The following CRPPA variants were observed in gnomAD, a reference collection of about 807,000 sequenced individuals.
The protein encoded by CRPPA is D-ribitol-5-phosphate cytidylyltransferase.
In CRPPA, 43 loss-of-function variants were observed where a neutral mutation model predicts 52.0. That is an observed-to-expected ratio of 0.83 (90% CI 0.65 to 1.07). The LOEUF (loss-of-function observed/expected upper bound fraction) is 1.07. CRPPA is among the 50% of genes least tolerant of loss of function. The pLI, the probability that CRPPA is intolerant of heterozygous loss-of-function variation, is 0.00. For synonymous variants in CRPPA, 250 were observed against 203.5 expected (o/e 1.23, Z -1.94); for missense variants, 629 against 551.7 (o/e 1.14, Z -1.40).
chr7:16,234,367 T>C (rs1782883999), intron 8 of CRPPA, among the ~76,000 whole-genome samples: 1 of 152,126 alleles, frequency 6.6e-6, no homozygotes, highest in Non-Finnish European at 1.5e-5. Flanking sequence ...ACATAAGCAG[T>C]CATTTATTGA....
intron 9 of CRPPA, among the ~76,000 whole-genome samples, chr7:16,143,268 G>A (rs949406930): frequency 6.6e-6 from 1 of 152,132 alleles, no homozygotes; most frequent in African/African-American, 2.4e-5. Flanking sequence ...TATGTTTCTG[G>A]AGATTTACAA....
chr7:16,167,210 G>C (rs895717363), intron 9 of CRPPA, among the ~76,000 whole-genome samples: 1 of 152,148 alleles, frequency 6.6e-6, no homozygotes, highest in South Asian at 2.1e-4. Flanking sequence ...ACAGGCGTGA[G>C]CCACCGCGCC....
At chr7:16,293,536 T>C (rs1784605283) in intron 5 of CRPPA, among the ~76,000 whole-genome samples, 1 of 151,944 alleles carries the variant, frequency 6.6e-6, no homozygotes, top group Non-Finnish European at 1.5e-5. Context: ...CTGAACACCT[T>C]GCAATAGGAA....
intron 2 of CRPPA, among the ~76,000 whole-genome samples, chr7:16,402,481 T>C (rs1216422483): frequency 1.3e-5 from 2 of 151,982 alleles, no homozygotes; most frequent in African/African-American, 4.8e-5. Context: ...GGAAACAAAT[T>C]ATGAACAAAA....
intron 2 of CRPPA, among the ~76,000 whole-genome samples, chr7:16,387,583 C>G (rs182169194): frequency 6.7e-6 from 1 of 148,536 alleles, no homozygotes; most frequent in Non-Finnish European, 1.5e-5. Flanking sequence ...AAATCTATCA[C>G]ATGCTGTCTA....
intron 6 of CRPPA, among the ~76,000 whole-genome samples, chr7:16,272,843 C>T (rs1784119085): frequency 6.6e-6 from 1 of 152,054 alleles, no homozygotes; most frequent in Non-Finnish European, 1.5e-5. Context: ...TCAGGCAAAT[C>T]AAACTGCAAG....
intron 6 of CRPPA, among the ~76,000 whole-genome samples, chr7:16,260,590 G>A (rs771098295): frequency 6.6e-6 from 1 of 151,960 alleles, no homozygotes; most frequent in Non-Finnish European, 1.5e-5. Context: ...TACTGTGTCA[G>A]GCTGACTTAT....
At chr7:16,139,194 A>G (rs752493091) in intron 9 of CRPPA, among the ~76,000 whole-genome samples, 12 of 152,332 alleles carry the variant, frequency 7.9e-5, no homozygotes, top group African/African-American at 2.6e-4. Flanking sequence ...GAGGAATCCA[A>G]CGAGGTGGAA....
At chr7:16,099,896 G>A (rs1024166474) in intron 9 of CRPPA, among the ~76,000 whole-genome samples, 1 of 152,116 alleles carries the variant, frequency 6.6e-6, no homozygotes. Context: ...ACCAACACCT[G>A]CTAGTTTTCT....
chr7:16,295,197 T>C (rs1388013986), intron 5 of CRPPA, among the ~76,000 whole-genome samples: 1 of 152,142 alleles, frequency 6.6e-6, no homozygotes, highest in African/African-American at 2.4e-5. Flanking sequence ...GGCATGAGGA[T>C]AACTTGACAG....
At chr7:16,367,446 C>T (rs1343784051) in intron 3 of CRPPA, among the ~76,000 whole-genome samples, 1 of 152,142 alleles carries the variant, frequency 6.6e-6, no homozygotes, top group African/African-American at 2.4e-5. Flanking sequence ...AAAGACACTT[C>T]ATAAAATTTC....
chr7:16,361,457 C>G (rs1438950580), intron 3 of CRPPA, among the ~76,000 whole-genome samples: 2 of 152,118 alleles, frequency 1.3e-5, no homozygotes, highest in South Asian at 2.1e-4. Context: ...TAGAAGTAAC[C>G]CAAGTGTGTC....
chr7:16,234,345 A>G (rs1782883192), intron 8 of CRPPA, among the ~76,000 whole-genome samples: 2 of 152,142 alleles, frequency 1.3e-5, no homozygotes, highest in South Asian at 4.1e-4. Flanking sequence ...ACAGAAAACA[A>G]TTTAAAATAA....
At chr7:16,394,670 A>G (rs1287954590) in intron 2 of CRPPA, among the ~76,000 whole-genome samples, 1 of 152,192 alleles carries the variant, frequency 6.6e-6, no homozygotes, top group African/African-American at 2.4e-5. Flanking sequence ...GAAACCATCC[A>G]TATTTCAGAT....
intron 9 of CRPPA, among the ~76,000 whole-genome samples, chr7:16,172,675 T>C (rs763907038): frequency 1.3e-5 from 2 of 152,214 alleles, no homozygotes; most frequent in Non-Finnish European, 2.9e-5. Context: ...CTCTCTCCTA[T>C]GTGATCCTTA....
intron 2 of CRPPA, among the ~76,000 whole-genome samples, chr7:16,404,821 G>A (rs1488584347): frequency 6.6e-6 from 1 of 152,158 alleles, no homozygotes; most frequent in Non-Finnish European, 1.5e-5. Context: ...CTGGAGAAGA[G>A]GAAGGAGTCA....
chr7:16,150,819 G>T (rs1445507717), intron 9 of CRPPA, among the ~76,000 whole-genome samples: 1 of 152,190 alleles, frequency 6.6e-6, no homozygotes, highest in Non-Finnish European at 1.5e-5. Flanking sequence ...TCTTTTTGCT[G>T]TGTCATCCTA....
intron 9 of CRPPA, among the ~76,000 whole-genome samples, chr7:16,096,598 AAC>A (rs1781939262): frequency 6.6e-6 from 1 of 152,130 alleles, no homozygotes; most frequent in South Asian, 2.1e-4. Flanking sequence ...TTCACTTCAT[AAC>A]AGTGTCAATT....
intron 3 of CRPPA, among the ~76,000 whole-genome samples, chr7:16,313,301 G>A (rs892233353): frequency 5.9e-5 from 9 of 151,850 alleles, no homozygotes; most frequent in African/African-American, 2.2e-4. Context: ...GGGCTATTGT[G>A]TCTTTCAATG....
Sources: allele counts gnomAD v4.1 joint callset (sites outside exome capture counted in the v4.1 genomes callset), GRCh38; gene constraint gnomAD v4.1.1; transcripts MANE v1.5; gene names NCBI Gene and HGNC (gene_info 2026-07-23, HGNC 2026-07-21).